The following LRFN5 variants were observed in gnomAD, a reference collection of about 807,000 sequenced individuals.
LRFN5 encodes leucine rich repeat and fibronectin type III domain containing 5.
Under a neutral mutation model 45.6 loss-of-function variants are expected in LRFN5, and 24 were observed. That is an observed-to-expected ratio of 0.53 (90% confidence interval 0.38 to 0.74). The LOEUF (loss-of-function observed/expected upper bound fraction) is 0.74, where lower values mean the gene tolerates loss of function less well. Ranked by LOEUF, LRFN5 falls within the 30% of genes least tolerant of loss-of-function variation. The pLI, the probability that LRFN5 is intolerant of heterozygous loss-of-function variation, is 0.00. For missense variants in LRFN5, 776 were observed against 861.5 expected, an observed-to-expected ratio of 0.90 and a Z score of 1.24; for synonymous variants, 340 against 313.8, an observed-to-expected ratio of 1.08 and a Z score of -0.88.
chr14:41,776,116 A>G (rs899425199), intron 2 of LRFN5, among the ~76,000 whole-genome samples: 1 of 152,208 alleles, frequency 6.6e-6, no homozygotes, highest in African/African-American at 2.4e-5. Flanking sequence ...TTATCATAAC[A>G]TACATGTTAC....
At chr14:41,898,852 G>C in intron 4 of LRFN5, 65 bp from the exon 5 acceptor site, 1 of 1,406,792 alleles carries the variant, frequency 7.1e-7, no homozygotes, top group South Asian at 1.2e-5. Flanking sequence ...TTCAGTAAGA[G>C]GTTTTTTGAA....
chr14:41,701,737 C>T (rs927699093), intron 1 of LRFN5, among the ~76,000 whole-genome samples: 2 of 152,036 alleles, frequency 1.3e-5, no homozygotes, highest in South Asian at 2.1e-4. Context: ...CAAGAGGACT[C>T]GTTGTTGAGA....
intron 1 of LRFN5, among the ~76,000 whole-genome samples, chr14:41,715,618 T>C (rs986078095): frequency 6.6e-6 from 1 of 152,172 alleles, no homozygotes; most frequent in East Asian, 1.9e-4. Context: ...GGAAAATAAG[T>C]TTATTCAGCT....
chr14:41,786,710 G>A (rs184427042), intron 2 of LRFN5, among the ~76,000 whole-genome samples: 2 of 151,722 alleles, frequency 1.3e-5, no homozygotes, highest in Admixed American at 6.6e-5. Flanking sequence ...CTTCATGTAC[G>A]CTTTCATTTT....
intron 1 of LRFN5, among the ~76,000 whole-genome samples, chr14:41,623,670 C>T (rs1286624214): frequency 3.3e-5 from 5 of 151,918 alleles, no homozygotes; most frequent in Non-Finnish European, 7.4e-5. Context: ...ATATGTAGGC[C>T]CTACTCTCTA....
At chr14:41,874,826 T>TA (rs1184389675) in intron 2 of LRFN5, among the ~76,000 whole-genome samples, 2 of 152,202 alleles carry the variant, frequency 1.3e-5, no homozygotes, top group African/African-American at 4.8e-5. Flanking sequence ...TCAGGGAACT[T>TA]ACAATCATTG....
At chr14:41,749,970 A>G (rs1885062331) in intron 1 of LRFN5, among the ~76,000 whole-genome samples, 1 of 152,148 alleles carries the variant, frequency 6.6e-6, no homozygotes, top group African/African-American at 2.4e-5. Flanking sequence ...CTTTTAGTTA[A>G]CATCAATAGG....
At chr14:41,627,467 A>G (rs1007584202) in intron 1 of LRFN5, among the ~76,000 whole-genome samples, 3 of 152,054 alleles carry the variant, frequency 2.0e-5, no homozygotes, top group Non-Finnish European at 4.4e-5. Flanking sequence ...CTCTAGGTAT[A>G]TTTTCCTTTT....
intron 1 of LRFN5, among the ~76,000 whole-genome samples, chr14:41,633,987 C>A (rs1049122233): frequency 2.0e-5 from 3 of 152,036 alleles, no homozygotes; most frequent in Admixed American, 2.0e-4. Context: ...TCTTCTGCAG[C>A]GTTTCAAAAT....
At chr14:41,723,334 A>G (rs1041355763) in intron 1 of LRFN5, among the ~76,000 whole-genome samples, 2 of 152,068 alleles carry the variant, frequency 1.3e-5, no homozygotes, top group Non-Finnish European at 2.9e-5. Flanking sequence ...TAAAGTGGAG[A>G]GGGCCTCCCT....
intron 2 of LRFN5, among the ~76,000 whole-genome samples, chr14:41,835,283 C>G (rs1301389224): frequency 6.6e-6 from 1 of 152,150 alleles, no homozygotes; most frequent in Non-Finnish European, 1.5e-5. Context: ...TAAATGCTTA[C>G]TGCTGTATTT....
intron 2 of LRFN5, among the ~76,000 whole-genome samples, chr14:41,876,763 T>A (rs1890203502): frequency 6.6e-6 from 1 of 152,068 alleles, no homozygotes; most frequent in South Asian, 2.1e-4. Flanking sequence ...AAAACCCTCT[T>A]GGGAAAAGTG....
chr14:41,714,090 A>G (rs181143521), intron 1 of LRFN5, among the ~76,000 whole-genome samples: 199 of 152,252 alleles, frequency 1.3e-3, no homozygotes, highest in Middle Eastern at 3.4e-3. Context: ...AAATGGCATT[A>G]TGTGTATCCT....
intron 3 of LRFN5, among the ~76,000 whole-genome samples, chr14:41,891,000 C>T (rs2139161246): frequency 6.6e-6 from 1 of 152,174 alleles, no homozygotes; most frequent in Non-Finnish European, 1.5e-5. Context: ...AGGAGTTCTC[C>T]TTTGCTAAGC....
At chr14:41,884,173 G>C (rs1227793722) in intron 2 of LRFN5, among the ~76,000 whole-genome samples, 3 of 152,070 alleles carry the variant, frequency 2.0e-5, no homozygotes, top group Non-Finnish European at 4.4e-5. Flanking sequence ...CCCTTCTTGT[G>C]CTGTGATTTG....
chr14:41,809,754 A>C (rs994954202), intron 2 of LRFN5, among the ~76,000 whole-genome samples: 1 of 151,870 alleles, frequency 6.6e-6, no homozygotes, highest in South Asian at 2.1e-4. Flanking sequence ...TAAATCAACA[A>C]AGTGATAGCA....
intron 1 of LRFN5, among the ~76,000 whole-genome samples, chr14:41,672,283 T>C (rs997479405): frequency 1.3e-5 from 2 of 152,202 alleles, no homozygotes; most frequent in Non-Finnish European, 2.9e-5. Context: ...GTCAAAGTTG[T>C]TTGATTTCTC....
At chr14:41,755,919 A>G (rs1885354060) in intron 1 of LRFN5, among the ~76,000 whole-genome samples, 1 of 152,038 alleles carries the variant, frequency 6.6e-6, no homozygotes, top group African/African-American at 2.4e-5. Context: ...GTTCCTTTCC[A>G]CGTCTAGTGC....
At chr14:41,700,558 A>G (rs539470485) in intron 1 of LRFN5, 2 of 152,146 alleles carry the variant, frequency 1.3e-5, no homozygotes, top group Admixed American at 6.6e-5. Context: ...GGTAGTATAG[A>G]TGTCTGCATG....
Sources: gnomAD v4.1 joint callset for allele counts (sites outside exome capture counted in the v4.1 genomes callset) on GRCh38, gnomAD v4.1.1 for gene constraint, MANE v1.5 for transcripts, NCBI Gene and HGNC (gene_info 2026-07-23, HGNC 2026-07-21) for gene names.